Variants in NEK7 observed in about 807,000 individuals in gnomAD.
The protein encoded by NEK7 is serine/threonine-protein kinase Nek7.
In NEK7, 18 loss-of-function variants were observed where a neutral mutation model predicts 44.6. That is an observed-to-expected ratio of 0.40 (90% CI 0.28 to 0.60). NEK7 has a LOEUF of 0.60. Among genes scored for constraint, NEK7 ranks in the 20% least tolerant of loss-of-function variants. The probability of loss-of-function intolerance (pLI) is 0.38; values close to 1 mark genes in which losing one functional copy is unlikely to be tolerated. For missense variants in NEK7, 256 were observed against 366.5 expected (o/e 0.70, Z 2.46); for synonymous variants, 130 against 121.1 (o/e 1.07, Z -0.48).
At chr1:198,177,143 A>G (rs988511537) in intron 1 of NEK7, among the ~76,000 whole-genome samples, 1 of 152,212 alleles carries the variant, frequency 6.6e-6, no homozygotes. Flanking sequence ...AGTAGATAAA[A>G]TAATTTCCTT....
intron 5 of NEK7, among the ~76,000 whole-genome samples, chr1:198,274,803 G>A (rs1305046630): frequency 1.3e-5 from 2 of 151,718 alleles, no homozygotes; most frequent in Non-Finnish European, 3.0e-5. Context: ...CATTTAATTT[G>A]TAGTGGGATG....
At chr1:198,226,776 C>G (rs1021662552) in intron 1 of NEK7, among the ~76,000 whole-genome samples, 1 of 152,000 alleles carries the variant, frequency 6.6e-6, no homozygotes, top group Admixed American at 6.6e-5. Context: ...TCACCTCCTT[C>G]TTTCTCTCCT....
intron 8 of NEK7, 133 bp downstream of exon 8, chr1:198,293,172 G>T (rs1397415809): frequency 1.8e-6 from 1 of 543,862 alleles, no homozygotes; most frequent in East Asian, 3.0e-5. Flanking sequence ...TTTTCGTTGG[G>T]TTAATAACTT....
chr1:198,288,420 A>G (rs940045758), intron 7 of NEK7, among the ~76,000 whole-genome samples: 2 of 152,346 alleles, frequency 1.3e-5, no homozygotes, highest in Admixed American at 6.5e-5. Flanking sequence ...TTTCTTATGT[A>G]CATGCTGTGA....
intron 9 of NEK7, among the ~76,000 whole-genome samples, chr1:198,308,362 C>G (rs12568641): frequency 0.053 from 8,004 of 152,208 alleles, 400 homozygotes; most frequent in East Asian, 0.19. Flanking sequence ...ACCCAAAATT[C>G]AGGCGTTCAT....
At chr1:198,245,962 T>A (rs1666823654) in intron 2 of NEK7, among the ~76,000 whole-genome samples, 1 of 152,172 alleles carries the variant, frequency 6.6e-6, no homozygotes. Context: ...ACTTAAAACA[T>A]ATGGGACATA....
intron 1 of NEK7, among the ~76,000 whole-genome samples, chr1:198,160,185 C>A (rs145086835): frequency 2.8e-4 from 42 of 152,184 alleles, no homozygotes; most frequent in African/African-American, 1.0e-3. Flanking sequence ...TTACAAATGT[C>A]GCCACCATTC....
intron 9 of NEK7, among the ~76,000 whole-genome samples, chr1:198,299,057 A>G (rs1003372808): frequency 6.6e-6 from 1 of 152,248 alleles, no homozygotes; most frequent in Non-Finnish European, 1.5e-5. Flanking sequence ...TTCACTCTAT[A>G]TAGTTACCAG....
intron 1 of NEK7, among the ~76,000 whole-genome samples, chr1:198,220,178 G>T (rs1269053261): frequency 6.6e-6 from 1 of 151,824 alleles, no homozygotes; most frequent in Non-Finnish European, 1.5e-5. Context: ...ATTATAATTT[G>T]TTACTCTCAA....
At chr1:198,273,734 G>A (rs1176531599) in intron 5 of NEK7, among the ~76,000 whole-genome samples, 3 of 151,518 alleles carry the variant, frequency 2.0e-5, no homozygotes, top group Non-Finnish European at 4.4e-5. Flanking sequence ...TTTTGTTGTT[G>A]CTTTGTTTTT....
At chr1:198,256,837 C>T (rs545354400) in intron 3 of NEK7, among the ~76,000 whole-genome samples, 4 of 152,214 alleles carry the variant, frequency 2.6e-5, no homozygotes, top group Admixed American at 1.3e-4. Flanking sequence ...AACTTACGTT[C>T]TTTATGTTGG....
chr1:198,199,766 A>G (rs1264253109), intron 1 of NEK7, among the ~76,000 whole-genome samples: 1 of 152,028 alleles, frequency 6.6e-6, no homozygotes, highest in Non-Finnish European at 1.5e-5. Context: ...TCTTTTGGCC[A>G]GTGTCCACAT....
chr1:198,158,924 G>A (rs1388122599), intron 1 of NEK7, among the ~76,000 whole-genome samples: 4 of 152,098 alleles, frequency 2.6e-5, no homozygotes, highest in Admixed American at 2.0e-4. Context: ...TTTGCCTCTC[G>A]GAGGAGTCAA....
chr1:198,170,283 A>G (rs567573400), intron 1 of NEK7, among the ~76,000 whole-genome samples: 1 of 152,192 alleles, frequency 6.6e-6, no homozygotes, highest in Admixed American at 6.5e-5. Context: ...ACTTGGTGTG[A>G]GTGGGGAGGA....
At chr1:198,178,223 A>C (rs1664661108) in intron 1 of NEK7, among the ~76,000 whole-genome samples, 1 of 152,124 alleles carries the variant, frequency 6.6e-6, no homozygotes, top group Non-Finnish European at 1.5e-5. Context: ...AAGAGAAAGA[A>C]CAACTTTATA....
At chr1:198,315,316 C>T (rs981166243) in intron 9 of NEK7, among the ~76,000 whole-genome samples, 1 of 152,232 alleles carries the variant, frequency 6.6e-6, no homozygotes, top group African/African-American at 2.4e-5. Flanking sequence ...CGCGCACCCA[C>T]TGACCTGCGC....
intron 3 of NEK7, among the ~76,000 whole-genome samples, chr1:198,262,348 G>T (rs1653503726): frequency 6.6e-6 from 1 of 151,730 alleles, no homozygotes; most frequent in South Asian, 2.1e-4. Context: ...GAGTGTTAAG[G>T]GGTATCTACC....
At chr1:198,223,801 T>C (rs1666136571) in intron 1 of NEK7, among the ~76,000 whole-genome samples, 1 of 152,170 alleles carries the variant, frequency 6.6e-6, no homozygotes, top group South Asian at 2.1e-4. Context: ...TGGATGAGAT[T>C]AGTGGTGATG....
intron 2 of NEK7, among the ~76,000 whole-genome samples, chr1:198,233,425 C>T (rs1404070923): frequency 6.6e-6 from 1 of 152,076 alleles, no homozygotes; most frequent in Non-Finnish European, 1.5e-5. Flanking sequence ...AGGGCAATAC[C>T]TCATTTTTAT....
Sources: allele counts gnomAD v4.1 joint callset (sites outside exome capture counted in the v4.1 genomes callset), GRCh38; gene constraint gnomAD v4.1.1; transcripts MANE v1.5; gene names NCBI Gene and HGNC (gene_info 2026-07-23, HGNC 2026-07-21).